Variants in SAMD12 observed in about 807,000 individuals in gnomAD.
SAMD12 encodes the protein sterile alpha motif domain containing 12, also known as sterile alpha motif domain-containing protein 12.
Under a neutral mutation model 15.0 loss-of-function variants are expected in SAMD12, and 9 were observed. The ratio of observed to expected loss-of-function variants is 0.60; its 90% CI spans 0.36 to 1.05. The LOEUF is 1.05. Ranked by LOEUF, SAMD12 falls within the 50% of genes least tolerant of loss-of-function variation. SAMD12 has a pLI of 0.01. For missense variants in SAMD12, 230 were observed against 234.2 expected (o/e 0.98, Z 0.12); for synonymous variants, 86 against 90.1 (o/e 0.96, Z 0.25).
At chr8:118,511,318 C>T (rs79010137) in intron 2 of SAMD12, among the ~76,000 whole-genome samples, 2 of 152,010 alleles carry the variant, frequency 1.3e-5, no homozygotes, top group East Asian at 3.9e-4. Flanking sequence ...CATATGAAGG[C>T]GAAAACCATT....
chr8:118,317,196 T>A (rs1355279038), intron 4 of SAMD12, among the ~76,000 whole-genome samples: 1 of 152,050 alleles, frequency 6.6e-6, no homozygotes, highest in Non-Finnish European at 1.5e-5. Flanking sequence ...TGTAAGAAAA[T>A]CAATGTCTGT....
intron 4 of SAMD12, among the ~76,000 whole-genome samples, chr8:118,198,888 A>G (rs1188571649): frequency 6.6e-6 from 1 of 151,312 alleles, no homozygotes; most frequent in African/African-American, 2.5e-5. Flanking sequence ...TCCTAAGGAA[A>G]TAATCTAAAA....
intron 3 of SAMD12, among the ~76,000 whole-genome samples, chr8:118,404,650 T>G (rs2130796163): frequency 6.6e-6 from 1 of 152,316 alleles, no homozygotes; most frequent in East Asian, 1.9e-4. Context: ...GTGGTATATA[T>G]GCAGATTTCA....
At chr8:118,263,315 G>A (rs1328288786) in intron 4 of SAMD12, among the ~76,000 whole-genome samples, 1 of 152,030 alleles carries the variant, frequency 6.6e-6, no homozygotes, top group African/African-American at 2.4e-5. Context: ...AATAACAGAA[G>A]GTAGAGAAAG....
At chr8:118,147,719 T>C in the SAMD12 span, among the ~76,000 whole-genome samples, 1 of 151,836 alleles carries the variant, frequency 6.6e-6, no homozygotes, top group Non-Finnish European at 1.5e-5. Context: ...ACATAGTTAA[T>C]ATGCAAAGAA....
At chr8:118,577,648 G>C (rs1178402452) in intron 2 of SAMD12, among the ~76,000 whole-genome samples, 2 of 152,182 alleles carry the variant, frequency 1.3e-5, no homozygotes, top group Non-Finnish European at 2.9e-5. Flanking sequence ...AGCAAACAGA[G>C]AGAATGTCAA....
the SAMD12 span, among the ~76,000 whole-genome samples, chr8:118,148,124 G>A: frequency 6.6e-6 from 1 of 151,622 alleles, no homozygotes; most frequent in Non-Finnish European, 1.5e-5. Flanking sequence ...GAGACGGGGT[G>A]TCACCATGTT....
chr8:118,372,613 A>G (rs2130685957), intron 4 of SAMD12, among the ~76,000 whole-genome samples: 1 of 152,260 alleles, frequency 6.6e-6, no homozygotes, highest in Admixed American at 6.5e-5. Flanking sequence ...TGAAATAAAA[A>G]TCAGTGTTTA....
chr8:118,586,167 C>T (rs1289483915), intron 1 of SAMD12, among the ~76,000 whole-genome samples: 1 of 152,154 alleles, frequency 6.6e-6, no homozygotes, highest in Non-Finnish European at 1.5e-5. Context: ...ATGTGTTGTG[C>T]TTCTCTACCT....
At chr8:118,295,314 C>T (rs1814646694) in intron 4 of SAMD12, among the ~76,000 whole-genome samples, 1 of 152,126 alleles carries the variant, frequency 6.6e-6, no homozygotes, top group Non-Finnish European at 1.5e-5. Flanking sequence ...TCAAAAAATG[C>T]TGTGATGCAA....
At chr8:118,335,082 G>A (rs1421304329) in intron 4 of SAMD12, among the ~76,000 whole-genome samples, 2 of 152,166 alleles carry the variant, frequency 1.3e-5, no homozygotes, top group African/African-American at 2.4e-5. Flanking sequence ...CTTGTGTCAT[G>A]TTGAAGGTCT....
At chr8:118,454,205 T>A (rs938891938) in intron 2 of SAMD12, among the ~76,000 whole-genome samples, 1 of 152,220 alleles carries the variant, frequency 6.6e-6, no homozygotes, top group Non-Finnish European at 1.5e-5. Flanking sequence ...CACATTTGAT[T>A]GATAAAATGG....
At chr8:118,507,712 T>C (rs1824958839) in intron 2 of SAMD12, among the ~76,000 whole-genome samples, 1 of 152,228 alleles carries the variant, frequency 6.6e-6, no homozygotes, top group South Asian at 2.1e-4. Flanking sequence ...GCTCCATTTA[T>C]ATGCAGATTT....
At chr8:118,619,171 C>T (rs1173373783) in intron 1 of SAMD12, among the ~76,000 whole-genome samples, 17 of 152,052 alleles carry the variant, frequency 1.1e-4, no homozygotes, top group Admixed American at 1.1e-3. Flanking sequence ...ACAATGTCAC[C>T]CAGCAGTAGA....
the SAMD12 span, among the ~76,000 whole-genome samples, chr8:118,160,350 A>G: frequency 1.3e-5 from 2 of 152,354 alleles, no homozygotes; most frequent in South Asian, 2.1e-4. Flanking sequence ...GTGAAAATCC[A>G]TAAGACTTGT....
chr8:118,152,748 C>CT, the SAMD12 span, among the ~76,000 whole-genome samples: 1 of 152,160 alleles, frequency 6.6e-6, no homozygotes, highest in South Asian at 2.1e-4. Context: ...GTTCACCCCC[C>CT]TCGGCCTCCC....
chr8:118,221,605 G>T (rs921199812), intron 4 of SAMD12, among the ~76,000 whole-genome samples: 1 of 152,056 alleles, frequency 6.6e-6, no homozygotes, highest in African/African-American at 2.4e-5. Flanking sequence ...GTAGTGGCTT[G>T]CAACCTAATC....
At chr8:118,162,700 G>T in the SAMD12 span, among the ~76,000 whole-genome samples, 7 of 152,084 alleles carry the variant, frequency 4.6e-5, no homozygotes, top group Non-Finnish European at 7.3e-5. Context: ...GCTTGCTAAA[G>T]GGAAATCGAA....
intron 2 of SAMD12, among the ~76,000 whole-genome samples, chr8:118,534,625 G>A (rs1825787857): frequency 6.6e-6 from 1 of 152,054 alleles, no homozygotes; most frequent in African/African-American, 2.4e-5. Context: ...CATATTTCTT[G>A]GAGGCTTTGT....
Sources: allele counts gnomAD v4.1 joint callset (sites outside exome capture counted in the v4.1 genomes callset), GRCh38; gene constraint gnomAD v4.1.1; transcripts MANE v1.5; gene names NCBI Gene and HGNC (gene_info 2026-07-23, HGNC 2026-07-21).